CACNA1A: variants seen among roughly 807,000 people sequenced by gnomAD.
CACNA1A encodes the protein calcium voltage-gated channel subunit alpha1 A, also known as voltage-dependent P/Q-type calcium channel subunit alpha-1A.
In CACNA1A, 57 loss-of-function variants were observed where a neutral mutation model predicts 262.4. The observed-to-expected ratio is 0.22, with a 90% CI of 0.18 to 0.27. The LOEUF (loss-of-function observed/expected upper bound fraction) is 0.27, where lower values mean the gene tolerates loss of function less well. Among genes scored for constraint, CACNA1A ranks in the 10% least tolerant of loss-of-function variants. CACNA1A has a pLI of 1.00. For synonymous variants in CACNA1A, 1,431 were observed against 1,419.3 expected (o/e 1.01, Z -0.18); for missense variants, 2,526 against 3,562.8 (o/e 0.71, Z 7.41).
intron 3 of CACNA1A, among the ~76,000 whole-genome samples, chr19:13,442,024 GAGGGAAGA>G (rs2060730644): frequency 6.6e-6 from 1 of 152,186 alleles, no homozygotes; most frequent in Non-Finnish European, 1.5e-5. Flanking sequence ...GAGGCAGAGG[GAGGGAAGA>G]GAACATTTTA....
intron 1 of CACNA1A, among the ~76,000 whole-genome samples, chr19:13,484,287 T>A (rs1979710929): frequency 6.6e-6 from 1 of 152,118 alleles, no homozygotes; most frequent in Non-Finnish European, 1.5e-5. Flanking sequence ...TAATAAACAG[T>A]CATTGTTGAA....
chr19:13,305,989 G>A (rs1301815131), intron 15 of CACNA1A, among the ~76,000 whole-genome samples: 3 of 151,768 alleles, frequency 2.0e-5, no homozygotes, highest in African/African-American at 7.3e-5. Flanking sequence ...GAACCCAGGA[G>A]GCAGAGGTTG....
intron 5 of CACNA1A, chr19:13,365,061 C>T: frequency 3.1e-6 from 1 of 322,700 alleles, no homozygotes. Context: ...CTCACTTCCT[C>T]ATTCCCCCGA....
intron 22 of CACNA1A, among the ~76,000 whole-genome samples, chr19:13,280,094 A>G (rs373892956): frequency 1.3e-5 from 2 of 152,138 alleles, no homozygotes; most frequent in Admixed American, 6.5e-5. Flanking sequence ...TTATTGTCCA[A>G]TAAACATTCA....
At chr19:13,371,474 A>G (rs1293252393) in intron 4 of CACNA1A, 2 of 562,266 alleles carry the variant, frequency 3.6e-6, no homozygotes, top group Non-Finnish European at 6.4e-6. Flanking sequence ...GTAGGTGCTC[A>G]ATAAATGGGT....
chr19:13,442,488 G>T (rs569911234), intron 3 of CACNA1A, among the ~76,000 whole-genome samples: 48 of 152,338 alleles, frequency 3.2e-4, no homozygotes, highest in African/African-American at 1.2e-3. Context: ...GAAGCTGCAG[G>T]TGAACTTAGA....
intron 6 of CACNA1A, among the ~76,000 whole-genome samples, chr19:13,350,545 A>AC (rs1196471682): frequency 1.3e-5 from 2 of 152,192 alleles, no homozygotes; most frequent in South Asian, 2.1e-4. Context: ...AGAATCAGTG[A>AC]CCCCCATTAC....
At chr19:13,502,157 TAAAAAAAAAAAA>T (rs57962801) in intron 1 of CACNA1A, among the ~76,000 whole-genome samples, 2 of 138,056 alleles carry the variant, frequency 1.4e-5, no homozygotes, top group Non-Finnish European at 3.1e-5. Flanking sequence ...GAGCTTTTCT[TAAAAAAAAAAAA>T]AAAAAAAAAA....
At chr19:13,237,504 T>C (rs370459266) in intron 31 of CACNA1A, among the ~76,000 whole-genome samples, 1 of 152,276 alleles carries the variant, frequency 6.6e-6, no homozygotes, top group African/African-American at 2.4e-5. Context: ...CTGCCAGATC[T>C]GTGTCTTGTG....
At chr19:13,289,285 G>A (rs528223133) in intron 19 of CACNA1A, among the ~76,000 whole-genome samples, 5 of 151,982 alleles carry the variant, frequency 3.3e-5, no homozygotes, top group South Asian at 2.1e-4. Context: ...GGGACTTCAG[G>A]TGCCTGCCAC....
chr19:13,223,187 GTTAAT>G (rs776896707), intron 38 of CACNA1A, among the ~76,000 whole-genome samples: 6 of 151,582 alleles, frequency 4.0e-5, no homozygotes, highest in African/African-American at 9.7e-5. Flanking sequence ...ACCATGTCCA[GTTAAT>G]TTAATTTAAT....
chr19:13,444,105 G>T (rs1317858561), intron 3 of CACNA1A, among the ~76,000 whole-genome samples: 1 of 152,134 alleles, frequency 6.6e-6, no homozygotes, highest in Non-Finnish European at 1.5e-5. Context: ...GGTGAAACAT[G>T]GTCCAGCAAA....
intron 3 of CACNA1A, among the ~76,000 whole-genome samples, chr19:13,439,382 C>T (rs2144870110): frequency 1.4e-5 from 2 of 145,940 alleles, no homozygotes; most frequent in African/African-American, 5.1e-5. Flanking sequence ...CAGGATCAGT[C>T]TGGGTTCTGG....
In CACNA1A at chr19:13,286,776, G is replaced by C. The variant is rs761596969; in HGVS notation, c.3280C>G (p.Pro1094Ala). 1 of 1,612,166 alleles carries C rather than the reference G, an allele frequency of 6.2e-7. No individual in the cohort carries two copies. The highest frequency in any genetic ancestry group is 2.2e-5 in the East Asian group (1 of 44,850). ...SLGHAGLPQS[P>A]AKMGNSTDPG... ...TCGGTGCTGTTTCCCATCTTGGCTG[G>C]GCTCTGGGGCAGGCCGGCGTGGCCA... Residue 1094 changes from proline to alanine, a missense_variant, in exon 20 of 47, where the codon CCA (proline) becomes GCA (alanine). Transcript: ENST00000360228.
intron 1 of CACNA1A, among the ~76,000 whole-genome samples, chr19:13,494,182 T>C (rs1981230653): frequency 6.6e-6 from 1 of 152,236 alleles, no homozygotes; most frequent in East Asian, 1.9e-4. Flanking sequence ...GGCATGGAAA[T>C]GTGTTCCTAA....
chr19:13,377,923 T>C (rs1201519348), intron 3 of CACNA1A, among the ~76,000 whole-genome samples: 2 of 149,956 alleles, frequency 1.3e-5, no homozygotes, highest in Non-Finnish European at 3.0e-5. Flanking sequence ...AGGCCAAGAG[T>C]TCAAGACCAG....
intron 1 of CACNA1A, among the ~76,000 whole-genome samples, chr19:13,474,116 G>C (rs1978307812): frequency 6.6e-6 from 1 of 152,292 alleles, no homozygotes; most frequent in South Asian, 2.1e-4. Context: ...TTTAATCCTA[G>C]AGGCTGCTGG....
chr19:13,444,407 G>C (rs2060774786), intron 3 of CACNA1A, among the ~76,000 whole-genome samples: 1 of 152,128 alleles, frequency 6.6e-6, no homozygotes, highest in African/African-American at 2.4e-5. Context: ...GCATGGGGCA[G>C]GGGTGAAGAA....
chr19:13,278,036 C>T (rs552361182), intron 22 of CACNA1A: 4 of 149,932 alleles, frequency 2.7e-5, no homozygotes, highest in African/African-American at 5.0e-5. Context: ...TGCAGTGAGC[C>T]GAGATCGTGC....
Sources: gnomAD v4.1 joint callset for allele counts (sites outside exome capture counted in the v4.1 genomes callset) on GRCh38, gnomAD v4.1.1 for gene constraint, MANE v1.5 for transcripts, NCBI Gene and HGNC (gene_info 2026-07-23, HGNC 2026-07-21) for gene names.